Variants in DPF3 observed in about 807,000 individuals in gnomAD.
DPF3 encodes the protein double PHD fingers 3.
Under a neutral mutation model 56.8 loss-of-function variants are expected in DPF3, and 18 were observed. The observed-to-expected ratio is 0.32, with a 90% CI of 0.22 to 0.47. DPF3 has a LOEUF of 0.47. Ranked by LOEUF, DPF3 falls within the 20% of genes least tolerant of loss-of-function variation. The probability of loss-of-function intolerance (pLI) is 1.00; values close to 1 mark genes in which losing one functional copy is unlikely to be tolerated. For missense variants in DPF3, 403 were observed against 488.8 expected, an observed-to-expected ratio of 0.82 and a Z score of 1.65; for synonymous variants, 188 against 180.2, an observed-to-expected ratio of 1.04 and a Z score of -0.35.
intron 1 of DPF3, among the ~76,000 whole-genome samples, chr14:72,886,867 A>G (rs1886567587): frequency 6.6e-6 from 1 of 151,712 alleles, no homozygotes; most frequent in Admixed American, 6.6e-5. Context: ...GCTAATACCC[A>G]CTCAGGTAGG....
At chr14:72,826,020 G>A (rs772949240) in intron 1 of DPF3, among the ~76,000 whole-genome samples, 1 of 152,086 alleles carries the variant, frequency 6.6e-6, no homozygotes, top group Non-Finnish European at 1.5e-5. Context: ...GGGAAAGGAA[G>A]GGGGCAGGTT....
chr14:72,754,090 T>C (rs1450462896), intron 2 of DPF3, among the ~76,000 whole-genome samples: 4 of 151,836 alleles, frequency 2.6e-5, no homozygotes, highest in African/African-American at 9.7e-5. Flanking sequence ...ACCAACAGCA[T>C]CACTGTCATG....
chr14:72,738,143 C>T (rs1889973919), intron 3 of DPF3, among the ~76,000 whole-genome samples: 1 of 152,108 alleles, frequency 6.6e-6, no homozygotes, highest in Non-Finnish European at 1.5e-5. Flanking sequence ...GGGGAAGAGA[C>T]TGGGGAGGGG....
Position 72,714,282 on chromosome 14 carries a change from G to A in DPF3, c.604+141C>T, listed in dbSNP as rs1599378511. ...GTGGTGACTGCGGTGGAGGCGGCAG[G>A]CGAGTAAGCTGGGGTGCAGACAGAG... is the stretch of plus-strand genomic sequence containing the variant. On this transcript the variant is annotated intron_variant, in intron 6 of 10. Coordinates refer to ENST00000556509, the MANE Select transcript of DPF3 (RefSeq NM_001280542.3). The A allele has an allele frequency of 5.7e-6, 6 of 1,059,980 alleles. No individual in the cohort carries two copies. The East Asian group carries it at 7.8e-5, about 14-fold the overall frequency. 65.7% of individuals were successfully genotyped at this position (1,059,980 alleles called of 1,614,324 possible).
chr14:72,620,031 C>T (rs969320113), intron 9 of DPF3, 47 bp from the exon 10 acceptor site: 16 of 1,487,268 alleles, frequency 1.1e-5, no homozygotes, highest in African/African-American at 2.8e-5. Context: ...TTCCATTATT[C>T]GGGGCCAATG....
At chr14:72,789,042 T>C (rs560782504) in intron 1 of DPF3, among the ~76,000 whole-genome samples, 14 of 152,198 alleles carry the variant, frequency 9.2e-5, no homozygotes, top group Non-Finnish European at 1.5e-4. Flanking sequence ...CCTCCAATAA[T>C]GGTGTGGCTA....
intron 1 of DPF3, among the ~76,000 whole-genome samples, chr14:72,861,782 A>AG (rs1885439095): frequency 6.6e-6 from 1 of 150,814 alleles, no homozygotes; most frequent in African/African-American, 2.5e-5. Flanking sequence ...AAAGAAAGAA[A>AG]GAAAGAAAGA....
At chr14:72,865,336 T>C (rs1305766369) in intron 1 of DPF3, among the ~76,000 whole-genome samples, 5 of 152,200 alleles carry the variant, frequency 3.3e-5, no homozygotes, top group South Asian at 2.1e-4. Flanking sequence ...ATTTCTGATA[T>C]TGTATGCACT....
intron 8 of DPF3, among the ~76,000 whole-genome samples, chr14:72,672,169 T>C (rs1024122392): frequency 1.4e-4 from 21 of 151,962 alleles, no homozygotes; most frequent in African/African-American, 5.1e-4. Context: ...AGGTGAGAAA[T>C]AGGAGTAGAA....
At chr14:72,644,487 CT>C (rs1281819697) in intron 8 of DPF3, among the ~76,000 whole-genome samples, 1 of 152,174 alleles carries the variant, frequency 6.6e-6, no homozygotes, top group Non-Finnish European at 1.5e-5. Context: ...CATGGGCTTT[CT>C]TTTTTTCCTC....
chr14:72,757,975 AC>A, intron 2 of DPF3, among the ~76,000 whole-genome samples: 1 of 152,248 alleles, frequency 6.6e-6, no homozygotes, highest in East Asian at 1.9e-4. Context: ...AAAAAAAATT[AC>A]CTAGAGAGAG....
rs542281304 is a variant in DPF3, at chr14:72,615,024, C to T, written c.*4273G>A. ...TACCAGGAGCCAGGCCTGGGACTTG[C>T]GGCATCCTGTGGGAGTGTGAGCGTG... On this transcript the variant is annotated 3_prime_UTR_variant, in exon 11 of 11. Coordinates refer to ENST00000556509, the MANE Select transcript of DPF3 (RefSeq NM_001280542.3). 6.6e-5 allele frequency among the ~76,000 whole-genome samples: 10 copies of T among 150,580 alleles called. No individual in the cohort carries two copies. The highest frequency in any genetic ancestry group is 1.2e-4 in the Non-Finnish European group (8 of 67,740).
chr14:72,794,906 A>G (rs887801333), intron 1 of DPF3, among the ~76,000 whole-genome samples: 5 of 151,824 alleles, frequency 3.3e-5, no homozygotes, highest in African/African-American at 1.2e-4. Context: ...TCTTCCTCCC[A>G]TGTGTCACTT....
chr14:72,884,971 T>TGTATATA (rs10523148), intron 1 of DPF3, among the ~76,000 whole-genome samples: 3 of 111,680 alleles, frequency 2.7e-5, no homozygotes, highest in Admixed American at 9.8e-5. Context: ...TATATATATA[T>TGTATATA]TAGCCGGGCG....
At chr14:72,672,029 C>CCACACACA (rs368797206) in intron 8 of DPF3, among the ~76,000 whole-genome samples, 66 of 145,740 alleles carry the variant, frequency 4.5e-4, no homozygotes, top group African/African-American at 1.3e-3. Context: ...CGTGTGCACA[C>CCACACACA]CACACACACA....
chr14:72,649,924 C>T (rs965092037), intron 8 of DPF3, among the ~76,000 whole-genome samples: 1 of 152,174 alleles, frequency 6.6e-6, no homozygotes, highest in Non-Finnish European at 1.5e-5. Flanking sequence ...ACCACTACAC[C>T]GCTCGGCCAC....
intron 8 of DPF3, among the ~76,000 whole-genome samples, chr14:72,648,635 G>A (rs888641020): frequency 7.4e-5 from 11 of 148,488 alleles, no homozygotes; most frequent in East Asian, 2.0e-4. Flanking sequence ...CCAGCTCCCC[G>A]CCTCTGTATC....
intron 1 of DPF3, among the ~76,000 whole-genome samples, chr14:72,778,176 T>C (rs1891824837): frequency 6.6e-6 from 1 of 152,136 alleles, no homozygotes; most frequent in Non-Finnish European, 1.5e-5. Flanking sequence ...AGACAATTAT[T>C]TAAGCCAGGG....
intron 8 of DPF3, among the ~76,000 whole-genome samples, chr14:72,666,802 TACACA>T (rs1256798613): frequency 6.6e-6 from 1 of 152,000 alleles, no homozygotes; most frequent in Non-Finnish European, 1.5e-5. Flanking sequence ...ACTCAGAAAA[TACACA>T]ACACAAGTCA....
Sources: gnomAD v4.1 joint callset for allele counts (sites outside exome capture counted in the v4.1 genomes callset) on GRCh38, gnomAD v4.1.1 for gene constraint, MANE v1.5 for transcripts, NCBI Gene and HGNC (gene_info 2026-07-23, HGNC 2026-07-21) for gene names.